Variants in ABCC8 observed in about 807,000 individuals in gnomAD.
ABCC8 encodes the protein ATP-binding cassette sub-family C member 8.
Under a neutral mutation model 188.0 loss-of-function variants are expected in ABCC8, and 137 were observed. The ratio of observed to expected loss-of-function variants is 0.73; its 90% CI spans 0.63 to 0.84. The LOEUF (loss-of-function observed/expected upper bound fraction) is 0.84. Ranked by LOEUF, ABCC8 falls within the 40% of genes least tolerant of loss-of-function variation. ABCC8 has a pLI of 0.00. For missense variants in ABCC8, 1,750 were observed against 2,072.7 expected (o/e 0.84, Z 3.02); for synonymous variants, 797 against 846.5 (o/e 0.94, Z 1.01).
At position 17,397,197 on chromosome 11, in the gene ABCC8, G is replaced by A. The variant is rs368419322; in HGVS notation, c.3984C>T (p.Leu1328=). ...CCCTCTCCCTGAGCCTCTCACCCAG[G>A]AGCCCCTCGTAGCTCTCTGCCTCGG... is the stretch of plus-strand genomic sequence containing the variant. The part of the protein sequence containing the change: ...LKTEAESYEG[L]LAPSLIPKNW... Residue 1328 remains leucine, a synonymous_variant, in exon 32 of 39, where the codon CTC becomes CTT. Coordinates refer to ENST00000389817, the MANE Select transcript of ABCC8 (RefSeq NM_000352.6). 2.5e-5 allele frequency: 40 copies of A among 1,613,640 alleles called. No homozygotes were observed. In the African/African-American group the frequency reaches 4.0e-4, roughly 16 times the overall value.
At chr11:17,405,657 C>T in intron 26 of ABCC8, 94 bp from the exon 27 acceptor site, 3 of 1,598,166 alleles carry the variant, frequency 1.9e-6, no homozygotes, top group Non-Finnish European at 2.6e-6. Context: ...GTAAGTGTCT[C>T]TGGAGTCATT....
Position 17,406,994 on chromosome 11 carries a change from T to C in ABCC8, c.3056A>G (p.Gln1019Arg). The change falls in exon 25 of 39, where the codon CAG (glutamine) becomes CGG (arginine). Residue 1019 changes from glutamine to arginine, a missense_variant. Coordinates refer to ENST00000389817, the MANE Select transcript of ABCC8 (RefSeq NM_000352.6). ...ILLLSLLVFS[Q>R]LLKHMVLVAI... ...CACCAGGACCATGTGCTTGAGCAGC[T>C]GTGAGAAGACCAGCAACGACAGGAG... The C allele has an allele frequency of 6.2e-7, 1 of 1,614,188 alleles. No individual in the cohort carries two copies. Among genetic ancestry groups the C allele is most frequent in the Non-Finnish European group, 8.5e-7 (1 of 1,180,034 alleles).
At chr11:17,450,591 G>A (rs1206784204) in intron 7 of ABCC8, among the ~76,000 whole-genome samples, 3 of 145,200 alleles carry the variant, frequency 2.1e-5, no homozygotes, top group Non-Finnish European at 3.0e-5. Flanking sequence ...TAGAGACGGG[G>A]TTTCACCATG....
rs376077553 is a variant in ABCC8, at chr11:17,427,977, C to T, written c.2041-35G>A. 19 of 1,607,514 alleles carry T rather than the reference C, an allele frequency of 1.2e-5. No individual in the cohort carries two copies. Among genetic ancestry groups the T allele is most frequent in the Non-Finnish European group, 1.2e-5 (14 of 1,176,914 alleles). On this transcript the variant is annotated intron_variant, in intron 14 of 38. Coordinates refer to ENST00000389817, the MANE Select transcript of ABCC8 (RefSeq NM_000352.6). The surrounding 1 kb of genome is among the most constrained non-coding windows in gnomAD (Gnocchi z 5.0). ...GCGTGTCCCACCGCCCAGGAGAGAA[C>T]AGAAAGGCAGCCAGTTCCCAGTGAA...
At chr11:17,461,242 A>G in intron 5 of ABCC8, 1 of 408,844 alleles carries the variant, frequency 2.4e-6, no homozygotes, top group Non-Finnish European at 4.6e-6. Flanking sequence ...TGAACACTCC[A>G]ACCTTTATAG....
At chr11:17,474,031 G>A (rs1360790243) in intron 2 of ABCC8, among the ~76,000 whole-genome samples, 1 of 152,078 alleles carries the variant, frequency 6.6e-6, no homozygotes, top group African/African-American at 2.4e-5. Flanking sequence ...CCTTCCCTCA[G>A]GCACCACCAG....
At chr11:17,438,987 G>A (rs1413426564) in intron 10 of ABCC8, among the ~76,000 whole-genome samples, 1 of 152,182 alleles carries the variant, frequency 6.6e-6, no homozygotes, top group Non-Finnish European at 1.5e-5. Flanking sequence ...TTCTGCTCTC[G>A]CTGCCACACT....
chr11:17,429,833 A>G (rs2133544947), intron 12 of ABCC8: 1 of 152,324 alleles, frequency 6.6e-6, no homozygotes, highest in South Asian at 2.1e-4. Flanking sequence ...TTAACCAGCT[A>G]CTGCCTGGTC....
At position 17,392,981 on chromosome 11, in the gene ABCC8, C is replaced by T. The variant is rs752527336; in HGVS notation, c.*10G>A. The T allele has an allele frequency of 1.5e-5, 24 of 1,614,018 alleles. No individual in the cohort carries two copies. Among genetic ancestry groups the T allele is most frequent in the Non-Finnish European group, 1.8e-5 (21 of 1,180,040 alleles). ...GTCCGAATGTGGGATGGCACTTGGG[C>T]TCTGGCAGGTCACTTGTCTGCACGG... On this transcript the variant is annotated 3_prime_UTR_variant, in exon 39 of 39. Coordinates refer to ENST00000389817, the MANE Select transcript of ABCC8 (RefSeq NM_000352.6).
At chr11:17,431,214 C>G (rs1955832612) in intron 11 of ABCC8, among the ~76,000 whole-genome samples, 1 of 152,244 alleles carries the variant, frequency 6.6e-6, no homozygotes, top group African/African-American at 2.4e-5. Flanking sequence ...CCTGCCCAGT[C>G]TTGGCTGGGA....
intron 6 of ABCC8, among the ~76,000 whole-genome samples, chr11:17,454,967 C>T (rs921408479): frequency 6.6e-6 from 1 of 152,100 alleles, no homozygotes; most frequent in Non-Finnish European, 1.5e-5. Flanking sequence ...AGACCCGGTC[C>T]TTTTTAACAT....
In ABCC8 at chr11:17,397,295, A is replaced by G. The variant is rs762113657; in HGVS notation, c.3886T>C (p.Trp1296Arg). Residue 1296 changes from tryptophan to arginine, a missense_variant, in exon 32 of 39, where the codon TGG becomes CGG. Transcript: ENST00000389817. Reference sequence around the variant, plus strand: ...ATGTCTGCCAGGTTCCTCACCATCCAGTTGAGGTAGTTGGAGACCTGTGGG... The same window carrying G: ...ATGTCTGCCAGGTTCCTCACCATCCGGTTGAGGTAGTTGGAGACCTGTGGG... ...YALMVSNYLNWMVRNLADMEL... is the reference protein window; with the variant it reads ...YALMVSNYLNRMVRNLADMEL... 4.3e-6 allele frequency: 7 copies of G among 1,612,200 alleles called. No individual in the cohort carries two copies. In the South Asian group the frequency reaches 7.7e-5, roughly 18 times the overall value.
Position 17,404,993 on chromosome 11 carries a change from G to A in ABCC8, c.3400-324C>T, listed in dbSNP as rs1256600023. 6.6e-6 allele frequency among the ~76,000 whole-genome samples: 1 copy of A among 152,120 alleles called. No individual in the cohort carries two copies. Among genetic ancestry groups the A allele is most frequent in the Admixed American group, 6.6e-5 (1 of 15,264 alleles). Reference sequence around the variant, plus strand: ...GCCATCAGGCTGGTCTTGAACACCTGGCCTCAAGTGATCCGCCTGCCTCCG... The same window carrying A: ...GCCATCAGGCTGGTCTTGAACACCTAGCCTCAAGTGATCCGCCTGCCTCCG... On this transcript the variant is annotated intron_variant, in intron 27 of 38. Coordinates refer to ENST00000389817, the MANE Select transcript of ABCC8 (RefSeq NM_000352.6). The surrounding 1 kb of genome is among the most constrained non-coding windows in gnomAD (Gnocchi z 4.7).
chr11:17,451,696 T>C (rs576180587), intron 7 of ABCC8, among the ~76,000 whole-genome samples: 5 of 152,244 alleles, frequency 3.3e-5, no homozygotes, highest in African/African-American at 4.8e-5. Flanking sequence ...TCACTAGGCA[T>C]AGCTGCATCT....
At chr11:17,428,537 G>A (rs1955698996) in intron 13 of ABCC8, 28 bp downstream of exon 13, 7 of 1,613,590 alleles carry the variant, frequency 4.3e-6, no homozygotes, top group Non-Finnish European at 5.9e-6. Flanking sequence ...ACCATGCTGG[G>A]AGTAGCAAGG....
chr11:17,396,184 G>C, intron 33 of ABCC8: 1 of 775,486 alleles, frequency 1.3e-6, no homozygotes, highest in Admixed American at 2.9e-5. Context: ...GTGTGGGTCT[G>C]GGTGTGCCGG....
At chr11:17,414,635 G>C (rs564105137) in intron 18 of ABCC8, 25 bp from the exon 19 acceptor site, 11 of 1,613,862 alleles carry the variant, frequency 6.8e-6, no homozygotes, top group South Asian at 2.2e-5. Context: ...GCGGGAGTAG[G>C]GGGTGCGGAA....
rs763313577 is a variant in ABCC8 at position 17,408,489 on chromosome 11, T to C, written c.2723A>G (p.Gln908Arg). Reference sequence around the variant, plus strand: ...GAAGTCCTTGAGGGTACCCTCCCTCTGGATGGTGCCATCCTTCATGGCAAT... The same window carrying C: ...GAAGTCCTTGAGGGTACCCTCCCTCCGGATGGTGCCATCCTTCATGGCAAT... ...WIIAMKDGTI[Q>R]REGTLKDFQR... Residue 908 changes from glutamine (Q) to arginine (R), a missense_variant, in exon 23 of 39, where the codon CAG becomes CGG. By Grantham distance (43) the Gln-to-Arg change is conservative. Coordinates refer to ENST00000389817, the MANE Select transcript of ABCC8 (RefSeq NM_000352.6). 1 of 1,613,418 alleles carries C rather than the reference T, an allele frequency of 6.2e-7. No individual in the cohort carries two copies. Among genetic ancestry groups the C allele is most frequent in the Admixed American group, 1.7e-5 (1 of 59,998 alleles).
intron 6 of ABCC8, among the ~76,000 whole-genome samples, chr11:17,454,006 C>T (rs772555053): frequency 1.3e-5 from 2 of 152,124 alleles, no homozygotes; most frequent in East Asian, 3.8e-4. Flanking sequence ...TCAATAACTC[C>T]CAGGAAAACT....
Sources: gnomAD v4.1 joint callset for allele counts (sites outside exome capture counted in the v4.1 genomes callset) on GRCh38, gnomAD v4.1.1 for gene constraint, Gnocchi (gnomAD v3.1) non-coding constraint, MANE v1.5 for transcripts, NCBI Gene and HGNC (gene_info 2026-07-23, HGNC 2026-07-21) for gene names.